The following HIVEP3 variants were observed in gnomAD, a reference collection of about 807,000 sequenced individuals.
The protein encoded by HIVEP3 is HIVEP zinc finger 3.
Under a neutral mutation model 152.8 loss-of-function variants are expected in HIVEP3, and 49 were observed. That is an observed-to-expected ratio of 0.32 (90% CI 0.26 to 0.41). The LOEUF (loss-of-function observed/expected upper bound fraction) is 0.41. HIVEP3 is among the 10% of genes least tolerant of loss of function. The pLI is 1.00. For missense variants in HIVEP3, 2,790 were observed against 3,103.3 expected (o/e 0.90, Z 2.40); for synonymous variants, 1,269 against 1,289.0 (o/e 0.98, Z 0.33).
chr1:41,827,588 A>G (rs1294604926), intron 1 of HIVEP3, among the ~76,000 whole-genome samples: 1 of 152,226 alleles, frequency 6.6e-6, no homozygotes, highest in Non-Finnish European at 1.5e-5. Flanking sequence ...TAACCAAAGC[A>G]GCTGTTTCCA....
chr1:41,591,945 C>T (rs140480316), intron 3 of HIVEP3, among the ~76,000 whole-genome samples: 15 of 152,200 alleles, frequency 9.9e-5, no homozygotes, highest in Admixed American at 3.3e-4. Flanking sequence ...CTGAGTCCTC[C>T]GATCTGCTGT....
chr1:41,835,414 G>T (rs544762842), intron 1 of HIVEP3, among the ~76,000 whole-genome samples: 17 of 152,246 alleles, frequency 1.1e-4, no homozygotes, highest in African/African-American at 4.1e-4. Flanking sequence ...GAGCTCTCTG[G>T]TGTCTCTTCA....
rs758226046 is a variant in HIVEP3, at chr1:41,512,799, C to T, written c.6405+17G>A. ...CACAGGGGAGAAGCGGCCCAGCCAC[C>T]AGGGGCAGGAACTCACCCACGGGGA... is the stretch of plus-strand genomic sequence containing the variant. On this transcript the variant is annotated intron_variant, in intron 8 of 8. Transcript: ENST00000372583. 2 of 1,465,608 alleles carry T rather than the reference C, an allele frequency of 1.4e-6. No individual in the cohort carries two copies. Among genetic ancestry groups the T allele is most frequent in the Admixed American group, 2.6e-5 (1 of 39,152 alleles). 90.8% of individuals were successfully genotyped at this position (1,465,608 alleles called of 1,614,324 possible).
chr1:41,589,938 C>A (rs1183820925), intron 3 of HIVEP3, among the ~76,000 whole-genome samples: 2 of 152,202 alleles, frequency 1.3e-5, no homozygotes, highest in African/African-American at 4.8e-5. Context: ...TACCTGGGAA[C>A]CCAGGGCACA....
intron 3 of HIVEP3, among the ~76,000 whole-genome samples, chr1:41,614,574 C>T (rs1644941091): frequency 4.6e-5 from 7 of 152,162 alleles, no homozygotes; most frequent in Admixed American, 4.6e-4. Context: ...TAGTTAATCC[C>T]CTTTTTGTCT....
chr1:41,647,132 T>A (rs947399102), intron 2 of HIVEP3, among the ~76,000 whole-genome samples: 1 of 152,260 alleles, frequency 6.6e-6, no homozygotes, highest in Non-Finnish European at 1.5e-5. Context: ...TAAAGCCAGC[T>A]GATTGGCAAT....
chr1:41,510,462 G>C lies in HIVEP3; in HGVS notation c.7210C>G (p.Pro2404Ala). The C allele has an allele frequency of 6.7e-7, 1 of 1,503,486 alleles. No individual in the cohort carries two copies. Among genetic ancestry groups the C allele is most frequent in the Non-Finnish European group, 8.9e-7 (1 of 1,123,946 alleles). 93.1% of individuals were successfully genotyped at this position (1,503,486 alleles called of 1,614,324 possible). The change falls in exon 9 of 9, where the codon CCC (proline) becomes GCC (alanine). Residue 2404 changes from proline to alanine, a missense_variant. Pro to Ala is a conservative substitution (Grantham distance 27). Around this residue, in one of 9 missense-constraint regions of HIVEP3, gnomAD observed 816 missense variants for 806.5 expected, o/e 1.01. Coordinates refer to ENST00000372583, the MANE Select transcript of HIVEP3 (RefSeq NM_024503.5). ...HPHQPEDRVPPNA is the reference protein window; with the variant it reads ...HPHQPEDRVPANA ...CAGTTGGAGAGAGGCTAAGCGTTGGGGGGAACCCTGTCCTCAGGCTGATGT... is the reference window on the plus strand; with the variant it reads ...CAGTTGGAGAGAGGCTAAGCGTTGGCGGGAACCCTGTCCTCAGGCTGATGT...
chr1:41,961,210 T>TA lies in HIVEP3; in HGVS notation n.120-42687dup, dbSNP rs1455616687. Among the ~76,000 whole-genome samples, 8 of 152,178 alleles carry TA rather than the reference T, an allele frequency of 5.3e-5. No homozygotes were observed. In the East Asian group the frequency reaches 1.2e-3, roughly 22 times the overall value. ...GGGTCCACATGAAAAAGCTGAGAGA[T>TA]ACCTGGGCAGCTCCCTGCAATGCCA... On this transcript the variant is annotated intron_variant and non_coding_transcript_variant, in intron 1 of 3. Coordinates refer to the HIVEP3 transcript ENST00000489103.
chr1:41,830,656 A>G (rs1380152570), intron 1 of HIVEP3, among the ~76,000 whole-genome samples: 1 of 152,178 alleles, frequency 6.6e-6, no homozygotes, highest in East Asian at 1.9e-4. Context: ...GGACAACTCT[A>G]AAGAGCCATT....
intron 1 of HIVEP3, among the ~76,000 whole-genome samples, chr1:41,961,571 T>C (rs1645169697): frequency 6.6e-6 from 1 of 152,242 alleles, no homozygotes; most frequent in Admixed American, 6.5e-5. Context: ...ACCTGCAATC[T>C]GGGCCAGCCC....
At chr1:42,019,812 C>T (rs1362877) in intron 1 of HIVEP3, among the ~76,000 whole-genome samples, 64,506 of 151,760 alleles carry the variant, frequency 0.43, 16,022 homozygotes, top group East Asian at 0.71. Context: ...AAGGAGAAGA[C>T]TTTCAACATT....
intron 3 of HIVEP3, among the ~76,000 whole-genome samples, chr1:41,608,632 A>T (rs1293060497): frequency 1.3e-5 from 2 of 152,188 alleles, no homozygotes; most frequent in African/African-American, 4.8e-5. Flanking sequence ...AGACTTCTGG[A>T]ATCCTGGGCT....
At chr1:41,699,792 C>T (rs1646334033) in intron 2 of HIVEP3, among the ~76,000 whole-genome samples, 1 of 152,076 alleles carries the variant, frequency 6.6e-6, no homozygotes, top group Non-Finnish European at 1.5e-5. Flanking sequence ...ATCTCGGCCT[C>T]CCCACCACTT....
intron 1 of HIVEP3, among the ~76,000 whole-genome samples, chr1:41,806,346 A>G (rs1457647308): frequency 6.6e-6 from 1 of 152,146 alleles, no homozygotes; most frequent in Admixed American, 6.5e-5. Flanking sequence ...TAGGTGATTC[A>G]AAGATTTCCT....
intron 7 of HIVEP3, among the ~76,000 whole-genome samples, chr1:41,515,176 A>G (rs552896786): frequency 3.9e-5 from 6 of 152,362 alleles, no homozygotes; most frequent in Middle Eastern, 6.8e-3. Flanking sequence ...GGGCTGGCAC[A>G]GAAACTGACT....
chr1:41,678,542 C>T (rs960278283), intron 2 of HIVEP3, among the ~76,000 whole-genome samples: 2 of 151,998 alleles, frequency 1.3e-5, no homozygotes, highest in African/African-American at 4.8e-5. Flanking sequence ...TCGCGCTCCT[C>T]TCCACCCACA....
intron 5 of HIVEP3, among the ~76,000 whole-genome samples, chr1:41,573,546 T>C (rs1321697689): frequency 6.6e-6 from 1 of 152,184 alleles, no homozygotes; most frequent in Non-Finnish European, 1.5e-5. Context: ...AGAGGATACC[T>C]TCCATATCTG....
intron 2 of HIVEP3, among the ~76,000 whole-genome samples, chr1:41,652,017 C>T (rs1324908311): frequency 6.6e-6 from 1 of 152,176 alleles, no homozygotes; most frequent in South Asian, 2.1e-4. Context: ...TTTCTATGCA[C>T]CTGGCACTCT....
chr1:41,722,449 T>TTTCC (rs1315344181), intron 1 of HIVEP3, among the ~76,000 whole-genome samples: 1 of 52,190 alleles, frequency 1.9e-5, no homozygotes, highest in Non-Finnish European at 3.4e-5. Flanking sequence ...TCCTTCCTTC[T>TTTCC]TTCCTTCCTT....
Sources: allele counts gnomAD v4.1 joint callset (sites outside exome capture counted in the v4.1 genomes callset), GRCh38; gene constraint gnomAD v4.1.1; regional missense constraint gnomAD v4.1.1; transcripts MANE v1.5; gene names NCBI Gene and HGNC (gene_info 2026-07-23, HGNC 2026-07-21).